The following CLASRP variants were observed in gnomAD, a reference collection of about 807,000 sequenced individuals.
CLASRP encodes the protein CLK4 associating serine/arginine rich protein, also known as CLK4-associating serine/arginine rich protein.
In CLASRP, 52 loss-of-function variants were observed where a neutral mutation model predicts 99.9. That is an observed-to-expected ratio of 0.52 (90% CI 0.42 to 0.66). CLASRP has a LOEUF of 0.66. CLASRP is among the 30% of genes least tolerant of loss of function. The pLI is 0.00. For synonymous variants in CLASRP, 379 were observed against 373.0 expected (o/e 1.02, Z -0.18); for missense variants, 848 against 999.2 (o/e 0.85, Z 2.04).
At chr19:45,070,650 T>C (rs1349845160) in intron 20 of CLASRP, 89 bp downstream of exon 20, 2 of 1,363,812 alleles carry the variant, frequency 1.5e-6, no homozygotes, top group East Asian at 4.6e-5. Flanking sequence ...AGCCTCACCC[T>C]GTACCCACCT....
At chr19:45,049,666 G>GT (rs1179704750) in intron 2 of CLASRP, among the ~76,000 whole-genome samples, 2 of 152,146 alleles carry the variant, frequency 1.3e-5, no homozygotes, top group African/African-American at 2.4e-5. Flanking sequence ...TGGAGCTGGT[G>GT]TTTTTTTCCT....
chr19:45,057,111 T>C (rs1972133570), intron 6 of CLASRP, among the ~76,000 whole-genome samples: 1 of 152,170 alleles, frequency 6.6e-6, no homozygotes, highest in Non-Finnish European at 1.5e-5. Context: ...CTCAGTCTGA[T>C]GAGTGCAGGC....
At chr19:45,053,043 T>C (rs1972055391) in intron 4 of CLASRP, 55 bp from the exon 5 acceptor site, 5 of 1,595,354 alleles carry the variant, frequency 3.1e-6, no homozygotes, top group South Asian at 1.1e-5. Context: ...TCCTGCTGGC[T>C]TGGGGGGGGA....
chr19:45,043,728 C>T (rs1197323998), intron 2 of CLASRP, among the ~76,000 whole-genome samples: 2 of 152,154 alleles, frequency 1.3e-5, no homozygotes, highest in African/African-American at 2.4e-5. Context: ...TCCTTGCTTA[C>T]CTCTGCCACC....
intron 2 of CLASRP, among the ~76,000 whole-genome samples, chr19:45,041,048 C>T (rs978918793): frequency 1.3e-5 from 2 of 151,742 alleles, no homozygotes; most frequent in Admixed American, 1.3e-4. Flanking sequence ...CGGTGAAACC[C>T]CATCTCTATT....
rs1966907257 is a variant in CLASRP, at chr19:45,060,175, AG to A, written c.711-212del. ...CCTAGAATGTAAGCCCGTGCAGGTG[AG>A]GATTTCTGTTTTTTTTTTTCAGTGC... is the stretch of plus-strand genomic sequence containing the variant. On this transcript the variant is annotated intron_variant, in intron 8 of 20. Transcript: ENST00000221455. The surrounding 1 kb of genome is among the most constrained non-coding windows in gnomAD (Gnocchi z 4.6). 6.6e-6 allele frequency among the ~76,000 whole-genome samples: 1 copy of A among 151,798 alleles called. No individual in the cohort carries two copies. Among genetic ancestry groups the A allele is most frequent in the South Asian group, 2.1e-4 (1 of 4,830 alleles).
Position 45,067,954 on chromosome 19 carries a change from C to A in CLASRP, c.1668-61C>A. On this transcript the variant is annotated intron_variant, in intron 14 of 20. Transcript: ENST00000221455. The surrounding 1 kb of genome is among the most constrained non-coding windows in gnomAD (Gnocchi z 4.9). Reference sequence around the variant, plus strand: ...CTGAGGGCAGTGCTGAGGCTGGGGTCAGAGGTGGCAGCTGCCCTTTCCCCC... The same window carrying A: ...CTGAGGGCAGTGCTGAGGCTGGGGTAAGAGGTGGCAGCTGCCCTTTCCCCC... 1.6e-6 allele frequency: 2 copies of A among 1,252,262 alleles called. No individual in the cohort carries two copies. Among genetic ancestry groups the A allele is most frequent in the Non-Finnish European group, 2.4e-6 (2 of 850,918 alleles). 77.6% of individuals were successfully genotyped at this position (1,252,262 alleles called of 1,614,324 possible). A position where few individuals can be genotyped will look rare whatever the true frequency, so the allele number is the denominator to read the frequency against.
chr19:45,065,388 CA>C (rs761472417), intron 13 of CLASRP, among the ~76,000 whole-genome samples: 7,063 of 84,926 alleles, frequency 0.083, 238 homozygotes, highest in African/African-American at 0.11. Context: ...GATTCCGTCT[CA>C]AAAAAAAAAA....
At chr19:45,048,951 A>C (rs531219858) in intron 2 of CLASRP, among the ~76,000 whole-genome samples, 53 of 152,276 alleles carry the variant, frequency 3.5e-4, no homozygotes, top group Non-Finnish European at 5.9e-4. Context: ...GCGCCATTGC[A>C]CTCCAGCCTG....
At chr19:45,059,247 A>C in intron 7 of CLASRP, 21 bp from the exon 8 acceptor site, 8 of 1,599,622 alleles carry the variant, frequency 5.0e-6, no homozygotes, top group Non-Finnish European at 6.0e-6. Flanking sequence ...GTGGCTCCTG[A>C]CAGCCTTTCT....
In CLASRP at chr19:45,069,182, C is replaced by T. The variant is rs753028294; in HGVS notation, c.1828-20C>T. On this transcript the variant is annotated intron_variant, in intron 17 of 20. Transcript: ENST00000221455. ...GTGGGTGCTGGCCTGGCCACGTCCT[C>T]ATAGCCCTGTCTGCTGCAGGAGCGG... 134 of 1,614,010 alleles carry T rather than the reference C, an allele frequency of 8.3e-5. No individual in the cohort carries two copies. Among genetic ancestry groups the T allele is most frequent in the Non-Finnish European group, 1.1e-4 (129 of 1,180,012 alleles).
intron 2 of CLASRP, among the ~76,000 whole-genome samples, chr19:45,047,272 G>C (rs913597001): frequency 6.6e-6 from 1 of 151,974 alleles, no homozygotes; most frequent in African/African-American, 2.4e-5. Context: ...TAAGCCAGTC[G>C]CAAAAAGACA....
chr19:45,068,868 G>A (rs1321608298), intron 16 of CLASRP, among the ~76,000 whole-genome samples, 198 bp from the exon 17 acceptor site: 1 of 152,086 alleles, frequency 6.6e-6, no homozygotes, highest in African/African-American at 2.4e-5. Context: ...GTGGGCGCCT[G>A]TAGTCCCAGC....
chr19:45,055,512 C>G (rs752890055), intron 5 of CLASRP, among the ~76,000 whole-genome samples: 1 of 152,220 alleles, frequency 6.6e-6, no homozygotes, highest in Non-Finnish European at 1.5e-5. Context: ...TCTGGCCTGC[C>G]AGCCTGCCCA....
rs1967129224 is a variant in CLASRP at position 45,067,867 on chromosome 19, G to A, written c.1668-148G>A. On this transcript the variant is annotated intron_variant, in intron 14 of 20. Transcript: ENST00000221455. The surrounding 1 kb of genome is among the most constrained non-coding windows in gnomAD (Gnocchi z 4.9). ...AGGTCCCTGTCTTACAGGTTCTGTG[G>A]GGTCTGAGAGGGACATGGTTGCACC... 4 of 684,414 alleles carry A rather than the reference G, an allele frequency of 5.8e-6. No homozygotes were observed. The South Asian group carries it at 6.7e-5, about 12-fold the overall frequency. The allele number at this position is 684,414 out of a possible 1,614,324, so 42.4% of individuals were successfully genotyped here.
chr19:45,064,410 C>CGCTCCAGCTCTA lies in CLASRP; in HGVS notation c.1199_1200insTAGCTCCAGCTC (p.Ser400_Arg401insSerSerSerSer). 2.6e-6 allele frequency: 4 copies of CGCTCCAGCTCTA among 1,529,024 alleles called. No individual in the cohort carries two copies. The highest frequency in any genetic ancestry group is 3.5e-6 in the Non-Finnish European group (4 of 1,139,952). 94.7% of individuals were successfully genotyped at this position (1,529,024 alleles called of 1,614,324 possible). ...GACCTCCAGCTCCCGCTCCAGCTCT[C>CGCTCCAGCTCTA]GCTCCAGCTCCCGCTCTCGCCGTGG... is the stretch of plus-strand genomic sequence containing the variant. On this transcript the variant is annotated inframe_insertion, in exon 13 of 21. Coordinates refer to ENST00000221455, the MANE Select transcript of CLASRP (RefSeq NM_007056.3).
rs1444767053 is a variant in CLASRP, at chr19:45,060,473, G to A, written c.789+6G>A. 1 of 1,614,172 alleles carries A rather than the reference G, an allele frequency of 6.2e-7. No homozygotes were observed. On this transcript the variant is annotated splice_donor_region_variant and intron_variant, in intron 9 of 20. Transcript: ENST00000221455. The surrounding 1 kb of genome is among the most constrained non-coding windows in gnomAD (Gnocchi z 4.6). ...AGGAGAAGGCCATGTACTCGGTGAG[G>A]TCTGGGCTGGAGTGGAAGGGGACAG...
At position 45,052,107 on chromosome 19, in the gene CLASRP, C is replaced by T; in HGVS notation, c.136C>T (p.Arg46Ter). Residue 46 changes from arginine to a stop codon, truncating the protein, a stop_gained, in exon 3 of 21, where the codon CGA (arginine) becomes TGA (stop). Coordinates refer to ENST00000221455, the MANE Select transcript of CLASRP (RefSeq NM_007056.3). LOFTEE classifies it high-confidence loss of function. Reference protein sequence around the residue: ...DPAQFLQVHGRACKVHLDSAV... With the variant: ...DPAQFLQVHG Reference sequence around the variant, plus strand: ...AGCCCAGTTCCTGCAGGTACATGGCCGAGCTTGCAAGGTGCACCTGGATTC... The same window carrying T: ...AGCCCAGTTCCTGCAGGTACATGGCTGAGCTTGCAAGGTGCACCTGGATTC... The T allele has an allele frequency of 1.2e-6, 2 of 1,613,972 alleles. No individual in the cohort carries two copies. Among genetic ancestry groups the T allele is most frequent in the Non-Finnish European group, 1.7e-6 (2 of 1,180,002 alleles).
At chr19:45,047,795 T>G (rs1568412318) in intron 2 of CLASRP, among the ~76,000 whole-genome samples, 1 of 152,096 alleles carries the variant, frequency 6.6e-6, no homozygotes, top group Non-Finnish European at 1.5e-5. Flanking sequence ...ATAAAAAAAT[T>G]ATTCTTGGCC....
Sources: allele counts gnomAD v4.1 joint callset (sites outside exome capture counted in the v4.1 genomes callset), GRCh38; gene constraint gnomAD v4.1.1; non-coding constraint Gnocchi (gnomAD v3.1); transcripts MANE v1.5; gene names NCBI Gene and HGNC (gene_info 2026-07-23, HGNC 2026-07-21).